The following PDE1C variants were observed in gnomAD, a reference collection of about 807,000 sequenced individuals.
The protein encoded by PDE1C is dual specificity calcium/calmodulin-dependent 3',5'-cyclic nucleotide phosphodiesterase 1C.
Under a neutral mutation model 93.1 loss-of-function variants are expected in PDE1C, and 62 were observed. The ratio of observed to expected loss-of-function variants is 0.67; its 90% CI spans 0.54 to 0.82. PDE1C has a LOEUF of 0.82. Among genes scored for constraint, PDE1C ranks in the 40% least tolerant of loss-of-function variants. The pLI, the probability that PDE1C is intolerant of heterozygous loss-of-function variation, is 0.00. For synonymous variants in PDE1C, 325 were observed against 310.1 expected, an observed-to-expected ratio of 1.05 and a Z score of -0.50; for missense variants, 742 against 884.6, an observed-to-expected ratio of 0.84 and a Z score of 2.04.
At chr7:31,852,097 A>C (rs1793417342) in intron 7 of PDE1C, among the ~76,000 whole-genome samples, 2 of 152,352 alleles carry the variant, frequency 1.3e-5, no homozygotes, top group African/African-American at 4.8e-5. Flanking sequence ...TGAACATTTA[A>C]GTGTTTCTAA....
chr7:31,877,397 A>G (rs1379091317), intron 5 of PDE1C, among the ~76,000 whole-genome samples: 1 of 152,094 alleles, frequency 6.6e-6, no homozygotes, highest in Admixed American at 6.6e-5. Flanking sequence ...TGGCTCAGTG[A>G]GAGTCTTTGG....
At chr7:32,340,124 G>A (rs538198403) in intron 1 of PDE1C, among the ~76,000 whole-genome samples, 3 of 152,156 alleles carry the variant, frequency 2.0e-5, no homozygotes, top group African/African-American at 4.8e-5. Flanking sequence ...ACTTACCAGA[G>A]TGGGAGCATT....
At chr7:31,912,703 T>A (rs1436707015) in intron 2 of PDE1C, among the ~76,000 whole-genome samples, 3 of 151,900 alleles carry the variant, frequency 2.0e-5, no homozygotes, top group South Asian at 2.1e-4. Context: ...TATATATATA[T>A]AAAATAAAAA....
At chr7:31,689,447 C>T in the PDE1C span, among the ~76,000 whole-genome samples, 54 of 152,270 alleles carry the variant, frequency 3.5e-4, no homozygotes, top group African/African-American at 1.2e-3. Context: ...CTTCCCTGGG[C>T]AGCCCAACAA....
At chr7:32,144,813 C>A in intron 3 of PDE1C, among the ~76,000 whole-genome samples, 1 of 152,138 alleles carries the variant, frequency 6.6e-6, no homozygotes, top group African/African-American at 2.4e-5. Context: ...CTATTTCCCC[C>A]TTAATGTAAA....
At chr7:32,189,328 T>C (rs1804078962) in intron 2 of PDE1C, among the ~76,000 whole-genome samples, 1 of 152,234 alleles carries the variant, frequency 6.6e-6, no homozygotes, top group African/African-American at 2.4e-5. Flanking sequence ...ATTTTCTTCA[T>C]GGTTAGTGTA....
the PDE1C span, chr7:31,695,360 G>T: frequency 1.0e-6 from 1 of 981,362 alleles, no homozygotes; most frequent in Non-Finnish European, 1.5e-6. Context: ...TCCTTTTCAG[G>T]CCAAATCACC....
intron 7 of PDE1C, 62 bp from the exon 8 acceptor site, chr7:31,850,803 G>A: frequency 8.4e-7 from 1 of 1,190,430 alleles, no homozygotes; most frequent in Non-Finnish European, 1.3e-6. Context: ...TCAGCTTGCT[G>A]ACAACACACC....
chr7:32,032,665 G>A (rs769116306), intron 2 of PDE1C, among the ~76,000 whole-genome samples: 3 of 152,010 alleles, frequency 2.0e-5, no homozygotes, highest in Non-Finnish European at 2.9e-5. Flanking sequence ...GTCACATGCC[G>A]GGTCTTATGA....
chr7:32,093,659 T>C (rs1207357294), intron 3 of PDE1C, among the ~76,000 whole-genome samples: 3 of 152,256 alleles, frequency 2.0e-5, no homozygotes, highest in Non-Finnish European at 4.4e-5. Context: ...TACATGACTT[T>C]GTCATTTGGC....
At chr7:31,959,735 C>T (rs75163489) in intron 2 of PDE1C, among the ~76,000 whole-genome samples, 7,439 of 152,162 alleles carry the variant, frequency 0.049, 206 homozygotes, top group South Asian at 0.091. Flanking sequence ...CCCTATTATG[C>T]TTCTTAAGGA....
intron 3 of PDE1C, among the ~76,000 whole-genome samples, chr7:32,132,765 G>A (rs1421437681): frequency 1.3e-5 from 2 of 152,192 alleles, no homozygotes; most frequent in Non-Finnish European, 2.9e-5. Flanking sequence ...AGTTCAGTTA[G>A]AAGGATATTT....
At chr7:32,373,277 C>A (rs768890356) in intron 1 of PDE1C, among the ~76,000 whole-genome samples, 5 of 152,140 alleles carry the variant, frequency 3.3e-5, no homozygotes, top group Admixed American at 1.3e-4. Flanking sequence ...CTTATTCAGC[C>A]ACAAAAAGGA....
intron 2 of PDE1C, among the ~76,000 whole-genome samples, chr7:32,206,202 G>T (rs1460461373): frequency 2.0e-5 from 3 of 152,114 alleles, no homozygotes; most frequent in Admixed American, 6.5e-5. Context: ...AGACCTTTGA[G>T]GATATATTCT....
the PDE1C span, chr7:31,655,740 C>T: frequency 3.0e-6 from 3 of 985,752 alleles, no homozygotes; most frequent in African/African-American, 1.7e-5. Flanking sequence ...GCCTCCAAAT[C>T]GTTTCCCTTG....
chr7:31,800,029 A>T (rs2128686958), intron 16 of PDE1C, among the ~76,000 whole-genome samples: 1 of 151,784 alleles, frequency 6.6e-6, no homozygotes, highest in South Asian at 2.1e-4. Context: ...ATCCTTAATG[A>T]TGTCAAGGAT....
chr7:32,390,391 C>A (rs1472048271), intron 1 of PDE1C, among the ~76,000 whole-genome samples: 1 of 152,050 alleles, frequency 6.6e-6, no homozygotes, highest in Non-Finnish European at 1.5e-5. Flanking sequence ...GTTGTCACAA[C>A]CTGGGGGCGC....
the PDE1C span, among the ~76,000 whole-genome samples, chr7:31,649,658 C>T: frequency 6.6e-6 from 1 of 152,096 alleles, no homozygotes; most frequent in Non-Finnish European, 1.5e-5. Context: ...GCTTTAGGGC[C>T]TAACAAGCAT....
At chr7:32,273,788 G>C (rs1384350720) in intron 1 of PDE1C, among the ~76,000 whole-genome samples, 4 of 152,214 alleles carry the variant, frequency 2.6e-5, no homozygotes, top group African/African-American at 4.8e-5. Context: ...CACCATAAAT[G>C]TGGCAGCCTC....
Sources: gnomAD v4.1 joint callset for allele counts (sites outside exome capture counted in the v4.1 genomes callset) on GRCh38, gnomAD v4.1.1 for gene constraint, MANE v1.5 for transcripts, NCBI Gene and HGNC (gene_info 2026-07-23, HGNC 2026-07-21) for gene names.